RIN2: variants seen among roughly 807,000 people sequenced by gnomAD.
The protein encoded by RIN2 is Ras and Rab interactor 2.
A neutral mutation model predicts 78.0 loss-of-function variants in RIN2; 36 were observed. The observed-to-expected ratio is 0.46, with a 90% CI of 0.35 to 0.61. The LOEUF (loss-of-function observed/expected upper bound fraction) is 0.61. RIN2 is among the 20% of genes least tolerant of loss of function. The pLI is 0.00. For missense variants in RIN2, 1,087 were observed against 1,159.7 expected (o/e 0.94, Z 0.91); for synonymous variants, 466 against 466.8 (o/e 1.00, Z 0.02).
chr20:19,919,910 A>T (rs2039841279), intron 3 of RIN2, among the ~76,000 whole-genome samples: 1 of 152,246 alleles, frequency 6.6e-6, no homozygotes, highest in African/African-American at 2.4e-5. Context: ...CATCTTAAAA[A>T]TATTAAGCAA....
intron 2 of RIN2, among the ~76,000 whole-genome samples, chr20:19,848,882 T>C (rs2036868743): frequency 6.6e-6 from 1 of 152,202 alleles, no homozygotes; most frequent in Non-Finnish European, 1.5e-5. Context: ...TGATTTCCAC[T>C]TGGGAGGAAA....
intron 4 of RIN2, among the ~76,000 whole-genome samples, chr20:19,946,469 C>T (rs1213441694): frequency 6.6e-6 from 1 of 152,074 alleles, no homozygotes; most frequent in Non-Finnish European, 1.5e-5. Context: ...AATCCCAGCA[C>T]CACTTTGAGA....
At chr20:19,773,357 A>G (rs1024362736) in intron 1 of RIN2, among the ~76,000 whole-genome samples, 10 of 152,320 alleles carry the variant, frequency 6.6e-5, no homozygotes, top group Middle Eastern at 3.4e-3. Flanking sequence ...AATTCAACCC[A>G]TAACTAGGTG....
chr20:19,974,560 C>A (rs890424397), intron 8 of RIN2, 94 bp from the exon 9 acceptor site: 2 of 1,255,466 alleles, frequency 1.6e-6, no homozygotes, highest in Non-Finnish European at 2.2e-6. Flanking sequence ...CCGCAAGACT[C>A]GCGTTGTCAT....
At chr20:19,963,136 A>C (rs183162552) in intron 6 of RIN2, among the ~76,000 whole-genome samples, 1 of 152,146 alleles carries the variant, frequency 6.6e-6, no homozygotes, top group South Asian at 2.1e-4. Context: ...TCCATTTTCC[A>C]GATGAGAAAA....
At chr20:19,978,882 G>C (rs1481899250) in intron 9 of RIN2, among the ~76,000 whole-genome samples, 3 of 152,196 alleles carry the variant, frequency 2.0e-5, no homozygotes, top group Non-Finnish European at 4.4e-5. Context: ...CCTACTTAAA[G>C]TATTGGGATC....
chr20:19,898,912 AAAAATGATAC>A (rs2038858779), intron 3 of RIN2, among the ~76,000 whole-genome samples: 1 of 152,236 alleles, frequency 6.6e-6, no homozygotes, highest in Non-Finnish European at 1.5e-5. Flanking sequence ...AATTACAGAA[AAAAATGATAC>A]AAAATGATAA....
At chr20:19,848,534 C>CAAAAAAAAAAAAAAAAA (rs11352724) in intron 2 of RIN2, among the ~76,000 whole-genome samples, 8 of 52,834 alleles carry the variant, frequency 1.5e-4, no homozygotes, top group African/African-American at 4.0e-4. Flanking sequence ...GACTCCATCT[C>CAAAAAAAAAAAAAAAAA]AAAAAAAAAA....
chr20:19,994,093 T>G (rs1019463034), intron 11 of RIN2, among the ~76,000 whole-genome samples: 1 of 152,208 alleles, frequency 6.6e-6, no homozygotes, highest in African/African-American at 2.4e-5. Context: ...TGTCTTCTCC[T>G]CCACGAATCC....
chr20:19,899,560 C>G (rs558792195), intron 3 of RIN2, among the ~76,000 whole-genome samples: 1 of 152,294 alleles, frequency 6.6e-6, no homozygotes, highest in Non-Finnish European at 1.5e-5. Context: ...CTGAGAGCCT[C>G]AAGCTCAAGG....
intron 8 of RIN2, among the ~76,000 whole-genome samples, chr20:19,971,208 C>G (rs544741494): frequency 2.6e-5 from 4 of 151,372 alleles, no homozygotes; most frequent in South Asian, 2.1e-4. Flanking sequence ...GAGGGGCACA[C>G]GGGCATTGAC....
At chr20:19,826,451 T>C (rs2036092162) in intron 2 of RIN2, among the ~76,000 whole-genome samples, 1 of 152,208 alleles carries the variant, frequency 6.6e-6, no homozygotes, top group Non-Finnish European at 1.5e-5. Context: ...CCTGTTTTCA[T>C]AGTCATGGAG....
chr20:19,921,215 C>T (rs192002123), intron 3 of RIN2, among the ~76,000 whole-genome samples: 17 of 152,142 alleles, frequency 1.1e-4, no homozygotes, highest in African/African-American at 3.6e-4. Context: ...TGAAAGCAAA[C>T]GTTTTACACT....
intron 1 of RIN2, among the ~76,000 whole-genome samples, chr20:19,792,083 G>A (rs1262594950): frequency 6.6e-6 from 1 of 152,168 alleles, no homozygotes. Flanking sequence ...AGTTGACAAG[G>A]CCAAGTGGAC....
At chr20:19,982,017 G>A (rs1252314355) in intron 9 of RIN2, among the ~76,000 whole-genome samples, 1 of 152,146 alleles carries the variant, frequency 6.6e-6, no homozygotes, top group African/African-American at 2.4e-5. Context: ...TCACACTTTT[G>A]GAGTGTGTGC....
At position 19,989,793 on chromosome 20, in the gene RIN2, G is replaced by A. The variant is rs114053512; in HGVS notation, c.1763-213G>A. ...GATTATATGCAAGTTAGACATCATT[G>A]GGGAAGATTCGGTCTTCCTGGCTTT... On this transcript the variant is annotated intron_variant, in intron 9 of 12. Coordinates refer to ENST00000255006, the MANE Select transcript of RIN2 (RefSeq NM_018993.4). Among the ~76,000 whole-genome samples the A allele has an allele frequency of 2.2e-3, 342 of 152,302 alleles. 1 individual carries two copies. The highest frequency in any genetic ancestry group is 8.1e-3 in the African/African-American group (336 of 41,584).
chr20:19,991,576 T>G (rs1406989615), intron 10 of RIN2, among the ~76,000 whole-genome samples: 1 of 152,214 alleles, frequency 6.6e-6, no homozygotes, highest in Non-Finnish European at 1.5e-5. Context: ...TATCTCCAGT[T>G]GAGAACCACT....
intron 7 of RIN2, among the ~76,000 whole-genome samples, chr20:19,969,198 A>G (rs1326935977): frequency 6.6e-6 from 1 of 152,210 alleles, no homozygotes; most frequent in African/African-American, 2.4e-5. Flanking sequence ...TTATCCAAGA[A>G]TGTTGCCTAA....
intron 1 of RIN2, among the ~76,000 whole-genome samples, chr20:19,762,965 A>T (rs574526287): frequency 7.9e-5 from 12 of 152,042 alleles, no homozygotes; most frequent in Non-Finnish European, 1.8e-4. Flanking sequence ...GGGTTTCATG[A>T]TGTTGGCCAG....
Sources: allele counts gnomAD v4.1 joint callset (sites outside exome capture counted in the v4.1 genomes callset), GRCh38; gene constraint gnomAD v4.1.1; transcripts MANE v1.5; gene names NCBI Gene and HGNC (gene_info 2026-07-23, HGNC 2026-07-21).